PCDHA8: variants seen among roughly 807,000 people sequenced by gnomAD.
PCDHA8 encodes protocadherin alpha 8.
A neutral mutation model predicts 61.8 loss-of-function variants in PCDHA8; 53 were observed. The ratio of observed to expected loss-of-function variants is 0.86; its 90% CI spans 0.69 to 1.08. PCDHA8 has a LOEUF of 1.08. Ranked by LOEUF, PCDHA8 falls within the 50% of genes least tolerant of loss-of-function variation. PCDHA8 has a pLI of 0.00. For synonymous variants in PCDHA8, 618 were observed against 556.6 expected, an observed-to-expected ratio of 1.11 and a Z score of -1.55; for missense variants, 1,293 against 1,245.0, an observed-to-expected ratio of 1.04 and a Z score of -0.58.
intron 1 of PCDHA8, among the ~76,000 whole-genome samples, chr5:140,938,194 C>T (rs782229712): frequency 5.9e-5 from 9 of 152,206 alleles, no homozygotes; most frequent in South Asian, 2.1e-4. Context: ...AATCCTCCCA[C>T]GCCAGCCTCC....
intron 1 of PCDHA8, among the ~76,000 whole-genome samples, chr5:140,963,606 G>A (rs79307503): frequency 0.011 from 1,749 of 152,250 alleles, 32 homozygotes; most frequent in African/African-American, 0.039. Context: ...AGACGTAATT[G>A]GGAAAGCTTA....
Position 140,920,254 on chromosome 5 carries a change from A to G in PCDHA8, c.2395-58695A>G, listed in dbSNP as rs117923328. Reference sequence around the variant, plus strand: ...TATATACCCAACAATACATCGCTATAATAATTATTACTTTATGTAATCTTA... The same window carrying G: ...TATATACCCAACAATACATCGCTATGATAATTATTACTTTATGTAATCTTA... On this transcript the variant is annotated intron_variant, in intron 1 of 3. Transcript: ENST00000531613. Among the ~76,000 whole-genome samples the G allele has an allele frequency of 8.5e-5, 13 of 152,332 alleles. No individual in the cohort carries two copies. In the East Asian group the frequency reaches 2.5e-3, roughly 29 times the overall value.
intron 1 of PCDHA8, chr5:140,871,330 G>A: frequency 1.9e-6 from 3 of 1,614,116 alleles, no homozygotes; most frequent in South Asian, 1.1e-5. Flanking sequence ...GTGCTCCCGC[G>A]CGGTGGGGAG....
rs143656335 is a variant in PCDHA8, at chr5:140,968,986, A to G, written c.2395-9963A>G. 244 of 1,614,206 alleles carry G rather than the reference A, an allele frequency of 1.5e-4. No individual in the cohort carries two copies. In the African/African-American group the frequency reaches 3.0e-3, roughly 20 times the overall value. On this transcript the variant is annotated intron_variant, in intron 1 of 3. Transcript: ENST00000531613. ...ACCGCTACACTGCGTATGGCACTGC[A>G]TGCTGTGGAGGCTTCTGTGGAGTAA...
In PCDHA8 at chr5:140,876,137, T is replaced by TA. The variant is rs781824852; in HGVS notation, c.2394+32424dup. The TA allele has an allele frequency of 1.3e-5, 21 of 1,613,798 alleles. No individual in the cohort carries two copies. The Middle Eastern group carries it at 4.9e-4, about 38-fold the overall frequency. On this transcript the variant is annotated intron_variant, in intron 1 of 3. Coordinates refer to ENST00000531613, the MANE Select transcript of PCDHA8 (RefSeq NM_018911.3). Reference sequence around the variant, plus strand: ...GTAATCGATGGCGGTAAACCAGAACTAACAGGGTCTGTCCAGATTCAAATA... The same window carrying TA: ...GTAATCGATGGCGGTAAACCAGAACTAAACAGGGTCTGTCCAGATTCAAATA...
At chr5:140,953,527 A>T (rs531720224) in intron 1 of PCDHA8, among the ~76,000 whole-genome samples, 153 of 152,150 alleles carry the variant, frequency 1.0e-3, no homozygotes, top group African/African-American at 2.9e-3. Flanking sequence ...AAAACGGGAA[A>T]CTCACTTCAT....
chr5:140,942,796 G>C (rs2093370095), intron 1 of PCDHA8, among the ~76,000 whole-genome samples: 1 of 152,002 alleles, frequency 6.6e-6, no homozygotes, highest in Non-Finnish European at 1.5e-5. Flanking sequence ...ACAAAGGCAT[G>C]TTTTCCACAA....
intron 1 of PCDHA8, chr5:140,854,657 T>C (rs1554147373): frequency 6.7e-6 from 1 of 149,998 alleles, no homozygotes; most frequent in Non-Finnish European, 1.5e-5. Context: ...ATAAAATAAA[T>C]TAACCCTTGC....
At chr5:140,906,063 A>T (rs572488248) in intron 1 of PCDHA8, among the ~76,000 whole-genome samples, 1 of 152,318 alleles carries the variant, frequency 6.6e-6, no homozygotes, top group South Asian at 2.1e-4. Flanking sequence ...CTGGCAGCTG[A>T]TTAGATCGCA....
intron 3 of PCDHA8, among the ~76,000 whole-genome samples, chr5:140,983,386 A>G (rs1426409765): frequency 2.6e-5 from 4 of 152,216 alleles, no homozygotes. Context: ...TCGCTGTGGC[A>G]GTTTTCAGAA....
intron 3 of PCDHA8, among the ~76,000 whole-genome samples, chr5:140,999,978 G>A (rs980753359): frequency 5.9e-5 from 9 of 151,942 alleles, no homozygotes; most frequent in South Asian, 2.1e-4. Flanking sequence ...CAGCTCTAGC[G>A]GCCTCTGGGT....
intron 3 of PCDHA8, 22 bp downstream of exon 3, chr5:140,982,585 ATTCT>A: frequency 6.2e-7 from 1 of 1,611,974 alleles, no homozygotes; most frequent in Non-Finnish European, 8.5e-7. Flanking sequence ...GGGTCTCTCC[ATTCT>A]TTCTTGGTTT....
chr5:140,877,767 C>T, intron 1 of PCDHA8: 1 of 1,614,166 alleles, frequency 6.2e-7, no homozygotes, highest in Non-Finnish European at 8.5e-7. Context: ...AGAGCCCGCC[C>T]AAGACGGACC....
chr5:140,923,305 G>A (rs552769255), intron 1 of PCDHA8, among the ~76,000 whole-genome samples: 3 of 152,304 alleles, frequency 2.0e-5, no homozygotes, highest in South Asian at 2.1e-4. Context: ...GGGCGTGGGG[G>A]CGCTTGGCCT....
intron 1 of PCDHA8, among the ~76,000 whole-genome samples, chr5:140,886,663 T>G (rs1164928390): frequency 6.6e-6 from 1 of 151,786 alleles, no homozygotes; most frequent in Non-Finnish European, 1.5e-5. Flanking sequence ...CTGTCTCTAC[T>G]AAAAATACAA....
chr5:140,914,262 G>A (rs1583899691), intron 1 of PCDHA8, among the ~76,000 whole-genome samples: 1 of 152,008 alleles, frequency 6.6e-6, no homozygotes, highest in Non-Finnish European at 1.5e-5. Flanking sequence ...CTTCAATGGT[G>A]GGTGCATATA....
chr5:140,961,445 C>T (rs772072156), intron 1 of PCDHA8, among the ~76,000 whole-genome samples: 1 of 152,214 alleles, frequency 6.6e-6, no homozygotes, highest in South Asian at 2.1e-4. Context: ...CCTAACTACA[C>T]TGTCTTGCAG....
At chr5:140,990,029 A>G (rs1343846819) in intron 3 of PCDHA8, among the ~76,000 whole-genome samples, 1 of 152,146 alleles carries the variant, frequency 6.6e-6, no homozygotes, top group African/African-American at 2.4e-5. Context: ...AAAGGATGGG[A>G]GAAGTCAGTC....
At chr5:140,864,478 G>A (rs377075793) in intron 1 of PCDHA8, 3 of 152,180 alleles carry the variant, frequency 2.0e-5, no homozygotes, top group Admixed American at 6.5e-5. Context: ...GATGTTGATT[G>A]CAGTGGGTGG....
Sources: allele counts gnomAD v4.1 joint callset (sites outside exome capture counted in the v4.1 genomes callset), GRCh38; gene constraint gnomAD v4.1.1; transcripts MANE v1.5; gene names NCBI Gene and HGNC (gene_info 2026-07-23, HGNC 2026-07-21).